Variants in HS2ST1 observed in about 807,000 individuals in gnomAD.
HS2ST1 encodes heparan sulfate 2-O-sulfotransferase 1.
A neutral mutation model predicts 42.9 loss-of-function variants in HS2ST1; 18 were observed. The ratio of observed to expected loss-of-function variants is 0.42; its 90% CI spans 0.29 to 0.62. The LOEUF (loss-of-function observed/expected upper bound fraction) is 0.62, where lower values mean the gene tolerates loss of function less well. Among genes scored for constraint, HS2ST1 ranks in the 20% least tolerant of loss-of-function variants. The pLI is 0.21. For synonymous variants in HS2ST1, 146 were observed against 152.9 expected (o/e 0.95, Z 0.33); for missense variants, 334 against 433.8 (o/e 0.77, Z 2.04).
chr1:86,968,851 G>C (rs750166531), intron 1 of HS2ST1, among the ~76,000 whole-genome samples: 1 of 152,084 alleles, frequency 6.6e-6, no homozygotes, highest in Non-Finnish European at 1.5e-5. Context: ...ATTTAACTCT[G>C]TTAAAAATGA....
chr1:87,044,397 A>G (rs563098106), intron 1 of HS2ST1, among the ~76,000 whole-genome samples: 1 of 152,298 alleles, frequency 6.6e-6, no homozygotes, highest in Admixed American at 6.5e-5. Context: ...CAGACATACC[A>G]GGCAGTACAA....
At chr1:87,065,033 A>G (rs926637631) in intron 1 of HS2ST1, among the ~76,000 whole-genome samples, 10 of 152,214 alleles carry the variant, frequency 6.6e-5, no homozygotes, top group Admixed American at 1.3e-4. Context: ...ATTCTCAGTG[A>G]TTACAAAACA....
Position 87,073,086 on chromosome 1 carries a change from G to A in HS2ST1, c.277G>A (p.Ala93Thr), listed in dbSNP as rs766250863. Residue 93 changes from alanine to threonine, a missense_variant, in exon 2 of 7, where the codon GCC becomes ACC. Ala to Thr is a moderately conservative substitution (Grantham distance 58). Coordinates refer to ENST00000370550, the MANE Select transcript of HS2ST1 (RefSeq NM_012262.4). Reference sequence around the variant, plus strand: ...GGCAAGCACTTCATTTACCAATATCGCCTATGACCTGTGTGCAAAGAATAA... The same window carrying A: ...GGCAAGCACTTCATTTACCAATATCACCTATGACCTGTGTGCAAAGAATAA... The part of the protein sequence containing the change: ...KTASTSFTNI[A>T]YDLCAKNKYH... The A allele has an allele frequency of 6.8e-6, 11 of 1,613,820 alleles. No individual in the cohort carries two copies. The highest frequency in any genetic ancestry group is 1.7e-5 in the Admixed American group (1 of 59,996).
At chr1:86,988,180 C>T (rs1648846080) in intron 1 of HS2ST1, among the ~76,000 whole-genome samples, 1 of 152,202 alleles carries the variant, frequency 6.6e-6, no homozygotes, top group East Asian at 1.9e-4. Context: ...ATGGAGCCAT[C>T]ATTTGCTCAA....
chr1:86,940,535 A>G (rs1660740357), intron 1 of HS2ST1, among the ~76,000 whole-genome samples: 1 of 152,238 alleles, frequency 6.6e-6, no homozygotes, highest in Admixed American at 6.5e-5. Context: ...TCATTAGGCT[A>G]TGGTAGGAAG....
At chr1:87,066,575 A>T (rs182389013) in intron 1 of HS2ST1, among the ~76,000 whole-genome samples, 4,094 of 151,924 alleles carry the variant, frequency 0.027, 68 homozygotes, top group South Asian at 0.058. Flanking sequence ...ATCTTAAAAA[A>T]TTTTTTTTTA....
intron 1 of HS2ST1, among the ~76,000 whole-genome samples, chr1:86,938,915 G>T (rs1245767711): frequency 2.0e-5 from 3 of 152,114 alleles, no homozygotes; most frequent in Non-Finnish European, 4.4e-5. Flanking sequence ...TAATTCAACT[G>T]GTAGAAGAAA....
intron 1 of HS2ST1, among the ~76,000 whole-genome samples, chr1:86,945,385 A>G (rs1647299925): frequency 6.6e-6 from 1 of 152,224 alleles, no homozygotes; most frequent in Non-Finnish European, 1.5e-5. Context: ...TGCATATCCA[A>G]CTGTGTTAGG....
intron 1 of HS2ST1, among the ~76,000 whole-genome samples, chr1:86,994,143 G>T (rs145857289): frequency 1.3e-5 from 2 of 152,048 alleles, no homozygotes; most frequent in African/African-American, 4.8e-5. Flanking sequence ...TACCTATGAA[G>T]CATCATTGTA....
intron 2 of HS2ST1, among the ~76,000 whole-genome samples, chr1:87,073,492 T>C (rs551458862): frequency 6.6e-6 from 1 of 152,322 alleles, no homozygotes; most frequent in East Asian, 1.9e-4. Flanking sequence ...CAATAAAAAT[T>C]ATTGTCTCAA....
At chr1:87,052,259 A>AT (rs1570514420) in intron 1 of HS2ST1, among the ~76,000 whole-genome samples, 1 of 148,854 alleles carries the variant, frequency 6.7e-6, no homozygotes, top group African/African-American at 2.5e-5. Context: ...TCTCAAAAAA[A>AT]ATTTTTTTTT....
intron 1 of HS2ST1, among the ~76,000 whole-genome samples, chr1:87,060,107 T>G (rs1351855870): frequency 6.6e-6 from 1 of 152,136 alleles, no homozygotes; most frequent in Non-Finnish European, 1.5e-5. Flanking sequence ...TTGGCTTTGG[T>G]TGTGGTTTTT....
At chr1:86,999,968 A>G (rs1167039013) in intron 1 of HS2ST1, among the ~76,000 whole-genome samples, 2 of 152,178 alleles carry the variant, frequency 1.3e-5, no homozygotes, top group African/African-American at 4.8e-5. Context: ...AGTTATGCCA[A>G]AAAAAGGGAG....
At chr1:87,078,184 G>C (rs981329142) in intron 2 of HS2ST1, among the ~76,000 whole-genome samples, 1 of 152,158 alleles carries the variant, frequency 6.6e-6, no homozygotes, top group East Asian at 1.9e-4. Context: ...TGACATTCCT[G>C]CTCTTTTAGA....
intron 1 of HS2ST1, chr1:86,934,485 G>A (rs1660603171): frequency 6.6e-6 from 1 of 152,214 alleles, no homozygotes; most frequent in Admixed American, 6.5e-5. Flanking sequence ...ACATTACAGT[G>A]TTCCTATGGA....
chr1:86,966,456 GA>G (rs1428157436), intron 1 of HS2ST1, among the ~76,000 whole-genome samples: 2 of 152,160 alleles, frequency 1.3e-5, no homozygotes, highest in East Asian at 3.8e-4. Flanking sequence ...TAATTTTATG[GA>G]ATGTTCTTTC....
intron 1 of HS2ST1, among the ~76,000 whole-genome samples, chr1:86,921,451 G>A (rs1660297796): frequency 6.6e-6 from 1 of 152,066 alleles, no homozygotes; most frequent in South Asian, 2.1e-4. Context: ...CTGCTGTGGT[G>A]TTAATGTCTC....
At chr1:87,088,124 T>C (rs1651855329) in intron 3 of HS2ST1, among the ~76,000 whole-genome samples, 1 of 152,058 alleles carries the variant, frequency 6.6e-6, no homozygotes, top group Non-Finnish European at 1.5e-5. Context: ...CCATATTGTC[T>C]TAACTGGTGT....
intron 1 of HS2ST1, among the ~76,000 whole-genome samples, chr1:86,938,891 C>G (rs190494430): frequency 6.6e-6 from 1 of 152,096 alleles, no homozygotes; most frequent in Non-Finnish European, 1.5e-5. Context: ...GTAAAAGTTA[C>G]CTTGAAAAAT....
Sources: gnomAD v4.1 joint callset for allele counts (sites outside exome capture counted in the v4.1 genomes callset) on GRCh38, gnomAD v4.1.1 for gene constraint, MANE v1.5 for transcripts, NCBI Gene and HGNC (gene_info 2026-07-23, HGNC 2026-07-21) for gene names.